CAMLG: variants seen among roughly 807,000 people sequenced by gnomAD.
CAMLG encodes the protein guided entry of tail-anchored proteins factor CAMLG.
In CAMLG, 23 loss-of-function variants were observed where a neutral mutation model predicts 28.9. The observed-to-expected ratio is 0.80, with a 90% CI of 0.57 to 1.13. CAMLG has a LOEUF of 1.13. Ranked by LOEUF, CAMLG falls within the 50% of genes most tolerant of loss-of-function variation. The pLI is 0.00. For synonymous variants in CAMLG, 141 were observed against 146.5 expected, an observed-to-expected ratio of 0.96 and a Z score of 0.27; for missense variants, 367 against 371.9, an observed-to-expected ratio of 0.99 and a Z score of 0.11.
At chr5:134,739,133 T>C (rs1480715605) in intron 1 of CAMLG, among the ~76,000 whole-genome samples, 2 of 152,206 alleles carry the variant, frequency 1.3e-5, no homozygotes, top group African/African-American at 4.8e-5. Flanking sequence ...CAGACTGTCA[T>C]GTCTACTGCT....
chr5:134,743,118 T>C (rs1753003650), intron 2 of CAMLG, among the ~76,000 whole-genome samples: 1 of 152,152 alleles, frequency 6.6e-6, no homozygotes, highest in South Asian at 2.1e-4. Context: ...ACTTCTGGGC[T>C]CAAGCAGTCC....
Position 134,750,999 on chromosome 5 carries a change from T to C in CAMLG, c.*49T>C. On this transcript the variant is annotated 3_prime_UTR_variant, in exon 4 of 4. Coordinates refer to ENST00000297156, the MANE Select transcript of CAMLG (RefSeq NM_001745.4). The stretch of plus-strand genomic sequence containing the variant: ...AGCTTACAAAAAAAAAAAAATCCTC[T>C]TCTATATTGCAGTGTCTCTAAAGGA... 1 of 1,355,580 alleles carries C rather than the reference T, an allele frequency of 7.4e-7. No individual in the cohort carries two copies. The highest frequency in any genetic ancestry group is 1.0e-6 in the Non-Finnish European group (1 of 970,852). 84.0% of individuals were successfully genotyped at this position (1,355,580 alleles called of 1,614,324 possible). A position where few individuals can be genotyped will look rare whatever the true frequency, so the allele number is the denominator to read the frequency against.
intron 3 of CAMLG, among the ~76,000 whole-genome samples, chr5:134,748,816 T>C (rs1225470653): frequency 1.3e-5 from 2 of 152,184 alleles, no homozygotes; most frequent in African/African-American, 4.8e-5. Context: ...GATTTTACTT[T>C]TTTGTGCAAG....
chr5:134,746,747 G>A (rs1318416204), intron 3 of CAMLG, among the ~76,000 whole-genome samples: 1 of 151,524 alleles, frequency 6.6e-6, no homozygotes, highest in African/African-American at 2.4e-5. Context: ...AAAGTGCTGG[G>A]ATTACAGGTG....
intron 3 of CAMLG, among the ~76,000 whole-genome samples, chr5:134,748,988 G>A (rs932773413): frequency 6.6e-6 from 1 of 151,104 alleles, no homozygotes; most frequent in Admixed American, 6.6e-5. Flanking sequence ...TCAGTTTTGG[G>A]GTTATTATGA....
chr5:134,746,933 C>A (rs1168779770), intron 3 of CAMLG, among the ~76,000 whole-genome samples: 2 of 151,994 alleles, frequency 1.3e-5, no homozygotes, highest in Non-Finnish European at 2.9e-5. Flanking sequence ...GCTGAAAATA[C>A]AAAAATTAGC....
intron 3 of CAMLG, among the ~76,000 whole-genome samples, chr5:134,746,434 CTT>C (rs1753050343): frequency 6.6e-6 from 1 of 151,922 alleles, no homozygotes; most frequent in African/African-American, 2.4e-5. Context: ...AAAAGGGAGA[CTT>C]TATATATTCT....
Position 134,741,387 on chromosome 5 carries a change from G to A in CAMLG, c.497G>A (p.Arg166Lys). 6.2e-7 allele frequency: 1 copy of A among 1,614,140 alleles called. No homozygotes were observed. Among genetic ancestry groups the A allele is most frequent in the Non-Finnish European group, 8.5e-7 (1 of 1,179,980 alleles). ...LSRFEEAMKL[R>K]KQLISEKPSQ... ...AGATTCGAAGAAGCAATGAAGCTAA[G>A]GAAACAGCTGATTAGTGAAAAACCC... Residue 166 changes from arginine to lysine, a missense_variant, in exon 2 of 4, where the codon AGG (arginine) becomes AAG (lysine). Arg to Lys is a conservative substitution (Grantham distance 26). Coordinates refer to ENST00000297156, the MANE Select transcript of CAMLG (RefSeq NM_001745.4).
chr5:134,746,814 G>C (rs1227673701), intron 3 of CAMLG, among the ~76,000 whole-genome samples: 1 of 151,254 alleles, frequency 6.6e-6, no homozygotes, highest in African/African-American at 2.4e-5. Flanking sequence ...TTGGCCAGGC[G>C]TGGTGCCTCA....
rs1194599613 is a variant in CAMLG, at chr5:134,743,988, C to G, written c.635C>G (p.Ser212Cys). 7.6e-7 allele frequency: 1 copy of G among 1,321,884 alleles called. No individual in the cohort carries two copies. Among genetic ancestry groups the G allele is most frequent in the East Asian group, 2.3e-5 (1 of 43,440 alleles). 81.9% of individuals were successfully genotyped at this position (1,321,884 alleles called of 1,614,324 possible). Residue 212 changes from serine (S) to cysteine (C), a missense_variant and splice_region_variant, in exon 3 of 4, where the codon TCC (serine) becomes TGC (cysteine). Physicochemically the swap from Ser to Cys is moderately radical, Grantham distance 112. Coordinates refer to ENST00000297156, the MANE Select transcript of CAMLG (RefSeq NM_001745.4). Reference sequence around the variant, plus strand: ...TAATTTTATCTTCTATCTTCACAGTCCATATTTGCTCCATTTCTTACTTTA... The same window carrying G: ...TAATTTTATCTTCTATCTTCACAGTGCATATTTGCTCCATTTCTTACTTTA... ...GVRAFVCKYL[S>C]IFAPFLTLQL...
chr5:134,746,009 A>G (rs1189707272), intron 3 of CAMLG, among the ~76,000 whole-genome samples: 1 of 149,386 alleles, frequency 6.7e-6, no homozygotes, highest in African/African-American at 2.5e-5. Flanking sequence ...ATGGTGGCGC[A>G]TGCCTGTAAT....
At chr5:134,749,085 T>C (rs1357558365) in intron 3 of CAMLG, among the ~76,000 whole-genome samples, 4 of 151,864 alleles carry the variant, frequency 2.6e-5, no homozygotes, top group East Asian at 1.9e-4. Flanking sequence ...TTTTTTTTTT[T>C]CAGATGGAGC....
chr5:134,738,915 C>G lies in CAMLG; in HGVS notation c.172+123C>G, dbSNP rs1008684654. On this transcript the variant is annotated intron_variant, in intron 1 of 3. Coordinates refer to ENST00000297156, the MANE Select transcript of CAMLG (RefSeq NM_001745.4). ...CAAGCCTTGCTCTTTGATTTCCTCT[C>G]TGTCCCGCCCCTTCGGTGATATCCC... 1.3e-5 allele frequency: 12 copies of G among 929,870 alleles called. No homozygotes were observed. The Admixed American group carries it at 2.1e-4, about 16-fold the overall frequency. The allele number at this position is 929,870 out of a possible 1,614,324, so 57.6% of individuals were successfully genotyped here.
At chr5:134,744,234 G>A (rs1413942946) in intron 3 of CAMLG, among the ~76,000 whole-genome samples, 182 bp downstream of exon 3, 1 of 152,068 alleles carries the variant, frequency 6.6e-6, no homozygotes, top group Non-Finnish European at 1.5e-5. Flanking sequence ...TTCAAAAAAT[G>A]AGTAATTGGC....
Position 134,741,522 on chromosome 5 carries a change from T to C in CAMLG, c.632T>C (p.Leu211Ser). 1 of 1,578,386 alleles carries C rather than the reference T, an allele frequency of 6.3e-7. No individual in the cohort carries two copies. The highest frequency in any genetic ancestry group is 8.7e-7 in the Non-Finnish European group (1 of 1,153,994). ...GTCAGAGCTTTTGTTTGCAAATACTTGGTAAGAAAAGATCTGTAAATTATT... is the reference window on the plus strand; with the variant it reads ...GTCAGAGCTTTTGTTTGCAAATACTCGGTAAGAAAAGATCTGTAAATTATT... The part of the protein sequence containing the change: ...LGVRAFVCKY[L>S]SIFAPFLTLQ... Residue 211 changes from leucine (L) to serine (S), a missense_variant and splice_region_variant, in exon 2 of 4, where the codon TTG becomes TCG. Physicochemically the swap from Leu to Ser is moderately radical, Grantham distance 145 (BLOSUM62 -2). Coordinates refer to ENST00000297156, the MANE Select transcript of CAMLG (RefSeq NM_001745.4).
chr5:134,739,518 C>T (rs1407799844), intron 1 of CAMLG, among the ~76,000 whole-genome samples: 2 of 152,148 alleles, frequency 1.3e-5, no homozygotes, highest in Non-Finnish European at 2.9e-5. Context: ...CTCCTTCCTC[C>T]CCCAAACACA....
At position 134,746,817 on chromosome 5, in the gene CAMLG, G is replaced by A. The variant is rs1580757049; in HGVS notation, c.699+2765G>A. ...TAAACACAAAAGTTGGCCAGGCGTG[G>A]TGCCTCACGCCTGTAATCCCAGCAC... On this transcript the variant is annotated intron_variant, in intron 3 of 3. Transcript: ENST00000297156. Among the ~76,000 whole-genome samples, 4 of 151,230 alleles carry A rather than the reference G, an allele frequency of 2.6e-5. No homozygotes were observed. The South Asian group carries it at 8.4e-4, about 32-fold the overall frequency.
rs1753119919 is a variant in CAMLG at position 134,752,017 on chromosome 5, A to G, written c.*1067A>G. 6.6e-6 allele frequency: 1 copy of G among 152,186 alleles called. No individual in the cohort carries two copies. The highest frequency in any genetic ancestry group is 2.4e-5 in the African/African-American group (1 of 41,446). 9.4% of individuals were successfully genotyped at this position (152,186 alleles called of 1,614,324 possible). ...CCTTTTAACTAACTCAGTAACTGCC[A>G]TATTTTGTTGGGTTGTCTTCTTAAA... On this transcript the variant is annotated 3_prime_UTR_variant, in exon 4 of 4. Transcript: ENST00000297156.
Position 134,746,353 on chromosome 5 carries a change from C to T in CAMLG, c.699+2301C>T, listed in dbSNP as rs542450406. Among the ~76,000 whole-genome samples the T allele has an allele frequency of 2.0e-5, 3 of 152,020 alleles. No individual in the cohort carries two copies. In the South Asian group the frequency reaches 6.2e-4, roughly 32 times the overall value. On this transcript the variant is annotated intron_variant, in intron 3 of 3. Transcript: ENST00000297156. ...TGCATAAACAAACTGAAAGACTATACATGAAATTATTAACAATACTTATGT... is the reference window on the plus strand; with the variant it reads ...TGCATAAACAAACTGAAAGACTATATATGAAATTATTAACAATACTTATGT...
Sources: gnomAD v4.1 joint callset for allele counts (sites outside exome capture counted in the v4.1 genomes callset) on GRCh38, gnomAD v4.1.1 for gene constraint, MANE v1.5 for transcripts, NCBI Gene and HGNC (gene_info 2026-07-23, HGNC 2026-07-21) for gene names.